RNF213: variants seen among roughly 807,000 people sequenced by gnomAD.
The protein encoded by RNF213 is E3 ubiquitin-protein ligase RNF213.
A neutral mutation model predicts 514.4 loss-of-function variants in RNF213; 341 were observed. That is an observed-to-expected ratio of 0.66 (90% confidence interval 0.61 to 0.73). The LOEUF is 0.73. RNF213 is among the 30% of genes least tolerant of loss of function. RNF213 has a pLI of 0.00. For missense variants in RNF213, 5,767 were observed against 6,615.6 expected (o/e 0.87, Z 4.45); for synonymous variants, 2,655 against 2,658.2 (o/e 1.00, Z 0.04).
At chr17:80,295,935 A>T in intron 10 of RNF213, 122 bp downstream of exon 10, 2 of 1,046,476 alleles carry the variant, frequency 1.9e-6, no homozygotes, top group Non-Finnish European at 2.9e-6. Context: ...ACCACCCGTG[A>T]TTTTACCACT....
Position 80,343,039 on chromosome 17 carries a change from C to G in RNF213, c.5990-93C>G. On this transcript the variant is annotated intron_variant, in intron 26 of 67. Coordinates refer to ENST00000582970, the MANE Select transcript of RNF213 (RefSeq NM_001256071.3). This position sits in a 1 kb window ranked among gnomAD's most constrained non-coding sequence, Gnocchi z 4.3. ...ACCAGGCTGGCTTTGAACTCCTGAC[C>G]TCAAGTGATCCCCCCGCCTCGGCCT... The G allele has an allele frequency of 9.7e-7, 1 of 1,035,106 alleles. No homozygotes were observed. Among genetic ancestry groups the G allele is most frequent in the Admixed American group, 1.8e-5 (1 of 54,104 alleles). The allele number at this position is 1,035,106 out of a possible 1,614,324, so 64.1% of individuals were successfully genotyped here.
At position 80,386,450 on chromosome 17, in the gene RNF213, G is replaced by A. The variant is rs2080239152; in HGVS notation, c.14720+20G>A. 1 of 1,613,346 alleles carries A rather than the reference G, an allele frequency of 6.2e-7. No homozygotes were observed. Among genetic ancestry groups the A allele is most frequent in the Non-Finnish European group, 8.5e-7 (1 of 1,179,466 alleles). On this transcript the variant is annotated intron_variant, in intron 62 of 67. Coordinates refer to ENST00000582970, the MANE Select transcript of RNF213 (RefSeq NM_001256071.3). ...CAACAGGTTTGTGCACGAGCCACCA[G>A]GAAGTGGTGCCTGCTCAGCCCAGAG...
At chr17:80,300,520 AG>A (rs2045138251) in intron 11 of RNF213, among the ~76,000 whole-genome samples, 1 of 151,912 alleles carries the variant, frequency 6.6e-6, no homozygotes, top group African/African-American at 2.4e-5. Flanking sequence ...CTAGGATTGC[AG>A]GCATGAGCCA....
Position 80,372,975 on chromosome 17 carries a change from A to G in RNF213, c.12752A>G (p.Glu4251Gly). ...DFLSEPEGGP[E>G]MAKEKQCYLQ... Reference sequence around the variant, plus strand: ...ACCCGCTTTCTCGTTGGCCTCTCAGAGATGGCCAAGGAGAAGCAGTGCTAC... The same window carrying G: ...ACCCGCTTTCTCGTTGGCCTCTCAGGGATGGCCAAGGAGAAGCAGTGCTAC... Residue 4251 changes from glutamate (E) to glycine (G), a missense_variant and splice_region_variant, in exon 49 of 68, where the codon GAG (glutamate) becomes GGG (glycine). Transcript: ENST00000582970. 2 of 1,613,500 alleles carry G rather than the reference A, an allele frequency of 1.2e-6. No homozygotes were observed. Among genetic ancestry groups the G allele is most frequent in the Non-Finnish European group, 1.7e-6 (2 of 1,179,794 alleles).
rs751075803 is a variant in RNF213 at position 80,298,480 on chromosome 17, A to T, written c.2172A>T (p.Gly724=). The change falls in exon 11 of 68, where the codon GGA becomes GGT. Residue 724 remains glycine, a synonymous_variant. Coordinates refer to ENST00000582970, the MANE Select transcript of RNF213 (RefSeq NM_001256071.3). ...AGGACACCTGGGCCGCTCTGGAGGG[A>T]CTCTCCTTCTCACCGTTCCGGGAAC... is the stretch of plus-strand genomic sequence containing the variant. ...QPEDTWAALE[G]LSFSPFREQM... is the part of the protein sequence containing the mutation. 6.2e-7 allele frequency: 1 copy of T among 1,613,504 alleles called. No homozygotes were observed. The highest frequency in any genetic ancestry group is 8.5e-7 in the Non-Finnish European group (1 of 1,179,930).
chr17:80,335,866 A>G (rs570413591), intron 22 of RNF213, among the ~76,000 whole-genome samples: 9 of 151,902 alleles, frequency 5.9e-5, no homozygotes, highest in African/African-American at 2.2e-4. Context: ...AATCCCAGCT[A>G]CACGGGAGGC....
chr17:80,390,157 C>A lies in RNF213; in HGVS notation c.15431C>A (p.Pro5144His). ...HEMIILKLKN[P>H]QTQTEERFRP... ...ATGATAATCTTGAAACTAAAGAACC[C>A]CCAAACCCAAACCGAGGAGCGCTTC... Residue 5144 changes from proline (P) to histidine (H), a missense_variant, in exon 67 of 68, where the codon CCC (proline) becomes CAC (histidine). By Grantham distance (77) the Pro-to-His change is moderately conservative. Coordinates refer to ENST00000582970, the MANE Select transcript of RNF213 (RefSeq NM_001256071.3). 1 of 1,614,156 alleles carries A rather than the reference C, an allele frequency of 6.2e-7. No individual in the cohort carries two copies. The highest frequency in any genetic ancestry group is 1.3e-5 in the African/African-American group (1 of 75,060).
rs1406791071 is a variant in RNF213 at position 80,367,787 on chromosome 17, T to C, written c.11911T>C (p.Phe3971Leu). The change falls in exon 43 of 68, where the codon TTT becomes CTT. Residue 3971 changes from phenylalanine (F) to leucine (L), a missense_variant. By Grantham distance (22) the Phe-to-Leu change is conservative. This residue lies in a region of RNF213 where 355 missense variants were observed against 358.0 expected (regional missense o/e 0.99). Coordinates refer to ENST00000582970, the MANE Select transcript of RNF213 (RefSeq NM_001256071.3). ...CTCTGACGTGAAGACGCACGGGCCT[T>C]TTGAGGCCGTGATGCGCACTCTCTG... ...ENSDVKTHGP[F>L]EAVMRTLCEC... The C allele has an allele frequency of 1.2e-6, 2 of 1,614,226 alleles. No homozygotes were observed. The highest frequency in any genetic ancestry group is 2.2e-5 in the East Asian group (1 of 44,886).
At chr17:80,267,230 G>T (rs1412935285) in intron 2 of RNF213, among the ~76,000 whole-genome samples, 1 of 149,038 alleles carries the variant, frequency 6.7e-6, no homozygotes, top group Non-Finnish European at 1.5e-5. Flanking sequence ...AAAAAAAAAA[G>T]AAAAAAAAGA....
At position 80,388,651 on chromosome 17, in the gene RNF213, G is replaced by C; in HGVS notation, c.14962G>C (p.Glu4988Gln). 1 of 1,613,062 alleles carries C rather than the reference G, an allele frequency of 6.2e-7. No homozygotes were observed. The highest frequency in any genetic ancestry group is 8.5e-7 in the Non-Finnish European group (1 of 1,179,490). Reference sequence around the variant, plus strand: ...GGTGTACAGACACGACTGGAACTATGAACATCTCTTTATGGACATCAAGAA... The same window carrying C: ...GGTGTACAGACACGACTGGAACTATCAACATCTCTTTATGGACATCAAGAA... The part of the protein sequence containing the change: ...TLVYRHDWNY[E>Q]HLFMDIKNKM... The change falls in exon 64 of 68, where the codon GAA (glutamate) becomes CAA (glutamine). Residue 4988 changes from glutamate (E) to glutamine (Q), a missense_variant. By Grantham distance (29) the Glu-to-Gln change is conservative (BLOSUM62 2). Around this residue, in one of 13 missense-constraint regions of RNF213, gnomAD observed 1,245 missense variants for 1,339.0 expected, o/e 0.93. Coordinates refer to ENST00000582970, the MANE Select transcript of RNF213 (RefSeq NM_001256071.3).
chr17:80,383,973 T>A lies in RNF213; in HGVS notation c.14322+45T>A, dbSNP rs533290452. The A allele has an allele frequency of 9.3e-6, 15 of 1,613,412 alleles. No individual in the cohort carries two copies. In the African/African-American group the frequency reaches 9.3e-5, roughly 10 times the overall value. Reference sequence around the variant, plus strand: ...GCTCCCTCCCTCTTTCGGTGCAGAGTTCCCCAGCAGGCCTGAAGGCCCTGG... The same window carrying A: ...GCTCCCTCCCTCTTTCGGTGCAGAGATCCCCAGCAGGCCTGAAGGCCCTGG... On this transcript the variant is annotated intron_variant, in intron 59 of 67. Transcript: ENST00000582970.
In RNF213 at chr17:80,263,544, A is replaced by G. The variant is rs1337248790; in HGVS notation, c.-108-30A>G. 1.3e-6 allele frequency: 1 copy of G among 760,860 alleles called. No homozygotes were observed. The highest frequency in any genetic ancestry group is 2.4e-6 in the Non-Finnish European group (1 of 424,634). 47.1% of individuals were successfully genotyped at this position (760,860 alleles called of 1,614,324 possible). A position where few individuals can be genotyped will look rare whatever the true frequency, so the allele number is the denominator to read the frequency against. ...TTGGGTTTCCATTAACCAGGGGACC[A>G]GCTGGGCTGCTGTGATTTCACTTTC... On this transcript the variant is annotated intron_variant, in intron 1 of 67. Transcript: ENST00000582970. This position sits in a 1 kb window ranked among gnomAD's most constrained non-coding sequence, Gnocchi z 4.9.
chr17:80,328,328 G>A lies in RNF213; in HGVS notation c.3368G>A (p.Arg1123Lys), dbSNP rs902849680. 4 of 1,534,092 alleles carry A rather than the reference G, an allele frequency of 2.6e-6. No individual in the cohort carries two copies. The highest frequency in any genetic ancestry group is 3.5e-6 in the Non-Finnish European group (4 of 1,145,210). Residue 1123 changes from arginine to lysine, a missense_variant and splice_region_variant, in exon 20 of 68, where the codon AGG becomes AAG. Arg to Lys is a conservative substitution (Grantham distance 26, BLOSUM62 2). Transcript: ENST00000582970. Reference sequence around the variant, plus strand: ...CTTTATTGGTGTTCTTATTTTCCAGGGGAAAAAAGTCTTTCACCCCAGGAT... The same window carrying A: ...CTTTATTGGTGTTCTTATTTTCCAGAGGAAAAAAGTCTTTCACCCCAGGAT... ...KNQFLDIWQL[R>K]EKSLSPQDEQ...
chr17:80,345,122 G>A lies in RNF213; in HGVS notation c.6787G>A (p.Ala2263Thr). 1.9e-6 allele frequency: 3 copies of A among 1,614,074 alleles called. No individual in the cohort carries two copies. The South Asian group carries it at 3.3e-5, about 18-fold the overall frequency. ...CATGATCTTTATGGCAAGAGATTTT[G>A]CCACACCATCACTCCACACCTCTGA... ...TFMIFMARDF[A>T]TPSLHTSDQS... The change falls in exon 29 of 68, where the codon GCC (alanine) becomes ACC (threonine). Residue 2263 changes from alanine to threonine, a missense_variant. Transcript: ENST00000582970. The surrounding 1 kb of genome is among the most constrained non-coding windows in gnomAD (Gnocchi z 6.0).
chr17:80,310,295 C>A (rs112002385), intron 14 of RNF213, among the ~76,000 whole-genome samples: 8 of 152,152 alleles, frequency 5.3e-5, no homozygotes, highest in African/African-American at 1.9e-4. Context: ...TCTTGTTGCC[C>A]AGGCTGGAGT....
At chr17:80,284,111 G>T (rs752385985) in intron 3 of RNF213, among the ~76,000 whole-genome samples, 1 of 151,898 alleles carries the variant, frequency 6.6e-6, no homozygotes, top group Non-Finnish European at 1.5e-5. Context: ...TGGAATCCCA[G>T]CACTTTGGGA....
intron 3 of RNF213, 127 bp from the exon 4 acceptor site, chr17:80,287,687 CA>C: frequency 1.6e-6 from 1 of 614,096 alleles, no homozygotes; most frequent in Non-Finnish European, 2.8e-6. Context: ...GCAGATTTAA[CA>C]GATGTTAGGT....
Position 80,334,086 on chromosome 17 carries a change from G to A in RNF213, c.4144-19G>A. 6.5e-7 allele frequency: 1 copy of A among 1,537,130 alleles called. No homozygotes were observed. Among genetic ancestry groups the A allele is most frequent in the Non-Finnish European group, 8.7e-7 (1 of 1,146,846 alleles). On this transcript the variant is annotated intron_variant, in intron 21 of 67. Transcript: ENST00000582970. The stretch of plus-strand genomic sequence containing the variant: ...TCTGGTTAATGAGTTCCAGTCCACA[G>A]TAGAGCTTTTTCTTGCAGACTGATA...
chr17:80,268,609 GTCCA>G (rs143520187), intron 2 of RNF213, among the ~76,000 whole-genome samples: 48,223 of 147,280 alleles, frequency 0.33, 8,894 homozygotes, highest in Non-Finnish European at 0.42. Flanking sequence ...CCATCTGTTT[GTCCA>G]TCCATCCATC....
Sources: allele counts gnomAD v4.1 joint callset (sites outside exome capture counted in the v4.1 genomes callset), GRCh38; gene constraint gnomAD v4.1.1; regional missense constraint gnomAD v4.1.1; non-coding constraint Gnocchi (gnomAD v3.1); transcripts MANE v1.5; gene names NCBI Gene and HGNC (gene_info 2026-07-23, HGNC 2026-07-21).